The following AXIN1 variants were observed in gnomAD, a reference collection of about 807,000 sequenced individuals.
AXIN1 encodes axin 1.
Under a neutral mutation model 76.4 loss-of-function variants are expected in AXIN1, and 30 were observed. The ratio of observed to expected loss-of-function variants is 0.39; its 90% CI spans 0.29 to 0.53. The LOEUF is 0.53. AXIN1 is among the 20% of genes least tolerant of loss of function. The probability of loss-of-function intolerance (pLI) is 0.66; values close to 1 mark genes in which losing one functional copy is unlikely to be tolerated. For missense variants in AXIN1, 1,140 were observed against 1,198.8 expected (o/e 0.95, Z 0.72); for synonymous variants, 545 against 501.4 (o/e 1.09, Z -1.16).
intron 2 of AXIN1, among the ~76,000 whole-genome samples, chr16:340,043 TTCTTC>T (rs1482954773): frequency 6.6e-6 from 1 of 150,458 alleles, no homozygotes; most frequent in African/African-American, 2.5e-5. Flanking sequence ...CTTCTTCTTC[TTCTTC>T]TTTTTTTTTT....
rs184313768 is a variant in AXIN1, at chr16:344,215, A to C, written c.878+1933T>G. On this transcript the variant is annotated intron_variant, in intron 2 of 10. Coordinates refer to ENST00000262320, the MANE Select transcript of AXIN1 (RefSeq NM_003502.4). The stretch of plus-strand genomic sequence containing the variant: ...TGGGAGACTGAGGCAGGCGATCACG[A>C]GGTCAGGAGATCGAGACCATCCTGG... Among the ~76,000 whole-genome samples, 702 of 151,988 alleles carry C rather than the reference A, an allele frequency of 4.6e-3. 5 individuals are homozygous for C. Among genetic ancestry groups the C allele is most frequent in the African/African-American group, 0.016 (672 of 41,478 alleles).
At position 297,984 on chromosome 16, in the gene AXIN1, C is replaced by A. The variant is rs1231880508; in HGVS notation, c.1522G>T (p.Gly508Cys). The change falls in exon 6 of 11, where the codon GGT becomes TGT. Residue 508 changes from glycine to cysteine, a missense_variant. Physicochemically the swap from Gly to Cys is radical, Grantham distance 159. This residue lies in a region of AXIN1 where 708 missense variants were observed against 776.9 expected (regional missense o/e 0.91). Coordinates refer to ENST00000262320, the MANE Select transcript of AXIN1 (RefSeq NM_003502.4). ...TGCTTCCCGTGCCCCGAGGCGGCAC[C>A]CCCCAGTGCCACTGGCATCTTGGCC... ...HVAKMPVALG[G>C]AASGHGKHVP... The A allele has an allele frequency of 6.2e-7, 1 of 1,600,608 alleles. No homozygotes were observed. The highest frequency in any genetic ancestry group is 1.1e-5 in the South Asian group (1 of 90,584).
chr16:336,564 G>T (rs1217236654), intron 2 of AXIN1, among the ~76,000 whole-genome samples: 3 of 151,966 alleles, frequency 2.0e-5, no homozygotes, highest in Non-Finnish European at 2.9e-5. Context: ...CCTCACACCT[G>T]TAATCCCAGC....
intron 3 of AXIN1, among the ~76,000 whole-genome samples, 163 bp downstream of exon 3, chr16:314,380 T>G (rs747923278): frequency 6.6e-6 from 1 of 152,236 alleles, no homozygotes; most frequent in Non-Finnish European, 1.5e-5. Context: ...CCCTCTGAGC[T>G]GGCCGCGCTC....
At chr16:336,201 C>T (rs151240418) in intron 2 of AXIN1, among the ~76,000 whole-genome samples, 1 of 152,256 alleles carries the variant, frequency 6.6e-6, no homozygotes, top group East Asian at 1.9e-4. Flanking sequence ...TGCCATTGCA[C>T]TCCAGCCTGG....
chr16:318,317 C>G (rs532438712), intron 2 of AXIN1, among the ~76,000 whole-genome samples: 2 of 152,328 alleles, frequency 1.3e-5, no homozygotes, highest in South Asian at 4.1e-4. Flanking sequence ...TCCACAAGCT[C>G]CAGCACACAG....
intron 2 of AXIN1, among the ~76,000 whole-genome samples, chr16:320,575 G>T (rs1393765076): frequency 6.6e-6 from 1 of 151,754 alleles, no homozygotes. Context: ...GTGCAAATTT[G>T]AGAGAGTTCC....
At chr16:295,032 C>G (rs2052672135) in intron 7 of AXIN1, among the ~76,000 whole-genome samples, 1 of 148,190 alleles carries the variant, frequency 6.7e-6, no homozygotes, top group African/African-American at 2.5e-5. Context: ...CCACTGCACT[C>G]CAGCCTGGGC....
At chr16:349,702 T>G (rs1220410614) in intron 1 of AXIN1, among the ~76,000 whole-genome samples, 1 of 152,152 alleles carries the variant, frequency 6.6e-6, no homozygotes, top group Non-Finnish European at 1.5e-5. Flanking sequence ...GAAAAGACAT[T>G]TGTCACAGAC....
intron 6 of AXIN1, 138 bp from the exon 7 acceptor site, chr16:297,364 C>T (rs1214446944): frequency 7.0e-6 from 8 of 1,140,582 alleles, no homozygotes; most frequent in African/African-American, 1.5e-5. Context: ...GCCCGCTTGT[C>T]CCCCACCCGC....
At chr16:296,198 C>T (rs899827557) in intron 7 of AXIN1, among the ~76,000 whole-genome samples, 1 of 152,256 alleles carries the variant, frequency 6.6e-6, no homozygotes, top group African/African-American at 2.4e-5. Context: ...CCGATGGGGA[C>T]CCCAAGGCCT....
At chr16:309,329 C>G (rs570544362) in intron 4 of AXIN1, among the ~76,000 whole-genome samples, 1 of 152,048 alleles carries the variant, frequency 6.6e-6, no homozygotes, top group Non-Finnish European at 1.5e-5. Flanking sequence ...CTCATCTTCC[C>G]GTAACATCTT....
At chr16:297,653 A>T (rs2052750648) in intron 6 of AXIN1, 69 bp downstream of exon 6, 2 of 1,475,680 alleles carry the variant, frequency 1.4e-6, no homozygotes, top group East Asian at 4.9e-5. Flanking sequence ...TTTTATGAGG[A>T]GGTTCTGGCC....
At chr16:304,689 C>A (rs1409344183) in intron 4 of AXIN1, among the ~76,000 whole-genome samples, 1 of 152,100 alleles carries the variant, frequency 6.6e-6, no homozygotes, top group African/African-American at 2.4e-5. Context: ...TGCCCGCCAC[C>A]ACGCCTGGCT....
At chr16:305,822 G>C (rs1004870744) in intron 4 of AXIN1, among the ~76,000 whole-genome samples, 1 of 152,126 alleles carries the variant, frequency 6.6e-6, no homozygotes, top group Non-Finnish European at 1.5e-5. Context: ...GGGATTACAG[G>C]CGTGAGCCAC....
intron 2 of AXIN1, among the ~76,000 whole-genome samples, chr16:325,011 C>G (rs888505757): frequency 6.6e-6 from 1 of 152,178 alleles, no homozygotes; most frequent in Non-Finnish European, 1.5e-5. Context: ...AGCGGACCCG[C>G]ACAGAACCAC....
At chr16:341,938 G>A (rs1373516938) in intron 2 of AXIN1, among the ~76,000 whole-genome samples, 1 of 152,176 alleles carries the variant, frequency 6.6e-6, no homozygotes, top group Non-Finnish European at 1.5e-5. Flanking sequence ...AGGATGTGGA[G>A]AAGCTTTGTG....
chr16:324,211 G>C (rs1597074624), intron 2 of AXIN1, among the ~76,000 whole-genome samples: 1 of 152,212 alleles, frequency 6.6e-6, no homozygotes, highest in Admixed American at 6.5e-5. Flanking sequence ...CGGGTCTTCC[G>C]GGCCACATTA....
chr16:345,047 A>C (rs969472256), intron 2 of AXIN1, among the ~76,000 whole-genome samples: 2 of 152,200 alleles, frequency 1.3e-5, no homozygotes, highest in Admixed American at 6.5e-5. Flanking sequence ...CTCTAGGGAA[A>C]GAGTGGGAAA....
Sources: allele counts gnomAD v4.1 joint callset (sites outside exome capture counted in the v4.1 genomes callset), GRCh38; gene constraint gnomAD v4.1.1; regional missense constraint gnomAD v4.1.1; transcripts MANE v1.5; gene names NCBI Gene and HGNC (gene_info 2026-07-23, HGNC 2026-07-21).